Variants in POLR3B observed in about 807,000 individuals in gnomAD.
POLR3B encodes the protein DNA-directed RNA polymerase III subunit RPC2.
A neutral mutation model predicts 147.4 loss-of-function variants in POLR3B; 96 were observed. The ratio of observed to expected loss-of-function variants is 0.65; its 90% confidence interval spans 0.55 to 0.77. The LOEUF (loss-of-function observed/expected upper bound fraction) is 0.77. Ranked by LOEUF, POLR3B falls within the 30% of genes least tolerant of loss-of-function variation. The probability of loss-of-function intolerance (pLI) is 0.00; values close to 1 mark genes in which losing one functional copy is unlikely to be tolerated. For missense variants in POLR3B, 1,036 were observed against 1,413.5 expected (o/e 0.73, Z 4.28); for synonymous variants, 461 against 485.9 (o/e 0.95, Z 0.67).
At chr12:106,374,278 A>T (rs562304788) in intron 6 of POLR3B, among the ~76,000 whole-genome samples, 1 of 152,220 alleles carries the variant, frequency 6.6e-6, no homozygotes, top group Admixed American at 6.5e-5. Context: ...GTGCAATGGT[A>T]CACTCATGGC....
At chr12:106,399,738 G>C (rs1363436172) in intron 10 of POLR3B, among the ~76,000 whole-genome samples, 1 of 152,102 alleles carries the variant, frequency 6.6e-6, no homozygotes, top group Non-Finnish European at 1.5e-5. Context: ...AGCTTCATAA[G>C]TGAAGGAGAA....
intron 19 of POLR3B, among the ~76,000 whole-genome samples, chr12:106,453,106 C>T (rs955196344): frequency 1.3e-5 from 2 of 150,452 alleles, no homozygotes; most frequent in African/African-American, 4.9e-5. Context: ...CTCACTGCAA[C>T]CTCTACTTCC....
At chr12:106,495,912 AC>A in intron 23 of POLR3B, 142 bp from the exon 24 acceptor site, 1 of 758,974 alleles carries the variant, frequency 1.3e-6, no homozygotes. Context: ...GTTGAAAATC[AC>A]TTTTGTTGCT....
chr12:106,431,136 C>T (rs1489019085), intron 14 of POLR3B, among the ~76,000 whole-genome samples: 1 of 152,104 alleles, frequency 6.6e-6, no homozygotes, highest in Non-Finnish European at 1.5e-5. Flanking sequence ...GTACAGGCCC[C>T]ATGAATATAT....
At position 106,405,846 on chromosome 12, in the gene POLR3B, G is replaced by GT. The variant is rs765732419; in HGVS notation, c.847-5dup. The GT allele has an allele frequency of 2.5e-6, 4 of 1,612,380 alleles. 1 individual carries two copies. Among genetic ancestry groups the GT allele is most frequent in the East Asian group, 2.2e-5 (1 of 44,848 alleles). The stretch of plus-strand genomic sequence containing the variant: ...TGTCATTCAAACATTATTGTAATCT[G>GT]TTTTTTATAGGCATTAAAATATATA... On this transcript the variant is annotated splice_polypyrimidine_tract_variant and intron_variant, in intron 10 of 27. Coordinates refer to ENST00000228347, the MANE Select transcript of POLR3B (RefSeq NM_018082.6).
At chr12:106,394,798 C>T (rs1460406698) in intron 10 of POLR3B, among the ~76,000 whole-genome samples, 1 of 152,076 alleles carries the variant, frequency 6.6e-6, no homozygotes, top group African/African-American at 2.4e-5. Context: ...TCCTTTTCCT[C>T]GAAAGGGAAG....
chr12:106,487,818 G>A (rs7956775), intron 23 of POLR3B, among the ~76,000 whole-genome samples: 2,059 of 152,312 alleles, frequency 0.014, 47 homozygotes, highest in African/African-American at 0.047. Context: ...TGATCACAGA[G>A]CTCATGGAGA....
At chr12:106,491,050 A>G (rs2038401622) in intron 23 of POLR3B, among the ~76,000 whole-genome samples, 1 of 152,294 alleles carries the variant, frequency 6.6e-6, no homozygotes, top group Non-Finnish European at 1.5e-5. Flanking sequence ...CCTTCTATTC[A>G]TTAAGTTGGT....
At chr12:106,434,231 A>G (rs1459391930) in intron 16 of POLR3B, among the ~76,000 whole-genome samples, 1 of 152,206 alleles carries the variant, frequency 6.6e-6, no homozygotes, top group East Asian at 1.9e-4. Context: ...TATTCTTGTC[A>G]TTTAAGAAAT....
chr12:106,403,549 T>G (rs2136928987), intron 10 of POLR3B, among the ~76,000 whole-genome samples: 1 of 152,010 alleles, frequency 6.6e-6, no homozygotes, highest in Non-Finnish European at 1.5e-5. Flanking sequence ...AGCAAAGACT[T>G]AGAATCAACC....
In POLR3B at chr12:106,374,507, A is replaced by G. The variant is rs981876718; in HGVS notation, c.405-1852A>G. Among the ~76,000 whole-genome samples the G allele has an allele frequency of 3.4e-5, 5 of 147,250 alleles. 1 individual carries two copies. In the East Asian group the frequency reaches 9.9e-4, roughly 29 times the overall value. On this transcript the variant is annotated intron_variant, in intron 6 of 27. Coordinates refer to ENST00000228347, the MANE Select transcript of POLR3B (RefSeq NM_018082.6). Reference sequence around the variant, plus strand: ...TTGAGAATTGCAGGCATGAGCCACCATTTGTGGCATGTTTTTTTTTTTTTT... The same window carrying G: ...TTGAGAATTGCAGGCATGAGCCACCGTTTGTGGCATGTTTTTTTTTTTTTT...
intron 12 of POLR3B, among the ~76,000 whole-genome samples, chr12:106,419,365 A>C (rs1440098479): frequency 1.3e-5 from 2 of 152,238 alleles, no homozygotes; most frequent in African/African-American, 2.4e-5. Context: ...ACTTTAAAGA[A>C]GGAAAAGCAT....
intron 23 of POLR3B, among the ~76,000 whole-genome samples, chr12:106,474,573 T>TGAA (rs2038137792): frequency 6.8e-6 from 1 of 146,742 alleles, no homozygotes; most frequent in African/African-American, 2.5e-5. Flanking sequence ...GAGATTCAAC[T>TGAA]TCTTCCTGGT....
intron 23 of POLR3B, among the ~76,000 whole-genome samples, chr12:106,475,091 A>C (rs1038744568): frequency 5.4e-5 from 7 of 129,864 alleles, no homozygotes; most frequent in African/African-American, 2.1e-4. Flanking sequence ...GTTTCAAAGA[A>C]CATCTTTATT....
At chr12:106,473,730 G>T (rs2038124673) in intron 23 of POLR3B, among the ~76,000 whole-genome samples, 1 of 104,970 alleles carries the variant, frequency 9.5e-6, no homozygotes, top group African/African-American at 3.8e-5. Context: ...CTGAGACTTT[G>T]CTGAAGTTGC....
In POLR3B at chr12:106,405,861, TA is replaced by T; in HGVS notation, c.855del (p.Lys285AsnfsTer3). The part of the protein sequence containing the change: ...KAQIFTQMQA[L>X]KYIGNKVRRQ... Reference sequence around the variant, plus strand: ...ATTGTAATCTGTTTTTTATAGGCATTAAAATATATAGGGAACAAAGTAAGAA... The same window carrying T: ...ATTGTAATCTGTTTTTTATAGGCATTAAATATATAGGGAACAAAGTAAGAA... On this transcript the variant is annotated frameshift_variant, in exon 11 of 28. Transcript: ENST00000228347. LOFTEE classifies it high-confidence loss of function. The T allele has an allele frequency of 6.2e-7, 1 of 1,613,080 alleles. No individual in the cohort carries two copies. Among genetic ancestry groups the T allele is most frequent in the Non-Finnish European group, 8.5e-7 (1 of 1,179,178 alleles).
chr12:106,388,530 A>C lies in POLR3B; in HGVS notation c.724-4501A>C, dbSNP rs181758441. Among the ~76,000 whole-genome samples, 97 of 152,174 alleles carry C rather than the reference A, an allele frequency of 6.4e-4. 2 individuals are homozygous for C. The highest frequency in any genetic ancestry group is 4.8e-3 in the Admixed American group (73 of 15,274). ...ACGGGGTTTCTCCATGTTGGCCAGGATGGTCTTGATCTCCTGACCTGGTGA... is the reference window on the plus strand; with the variant it reads ...ACGGGGTTTCTCCATGTTGGCCAGGCTGGTCTTGATCTCCTGACCTGGTGA... On this transcript the variant is annotated intron_variant, in intron 9 of 27. Coordinates refer to ENST00000228347, the MANE Select transcript of POLR3B (RefSeq NM_018082.6).
At chr12:106,484,544 C>T (rs1465231966) in intron 23 of POLR3B, among the ~76,000 whole-genome samples, 1 of 151,846 alleles carries the variant, frequency 6.6e-6, no homozygotes, top group African/African-American at 2.4e-5. Flanking sequence ...ATCACTTGAG[C>T]CCAGGAGTTT....
At chr12:106,481,195 T>C (rs994876402) in intron 23 of POLR3B, among the ~76,000 whole-genome samples, 1 of 152,140 alleles carries the variant, frequency 6.6e-6, no homozygotes, top group Non-Finnish European at 1.5e-5. Context: ...GGGAAGCCAC[T>C]GGAGAGGGGT....
Sources: allele counts gnomAD v4.1 joint callset (sites outside exome capture counted in the v4.1 genomes callset), GRCh38; gene constraint gnomAD v4.1.1; transcripts MANE v1.5; gene names NCBI Gene and HGNC (gene_info 2026-07-23, HGNC 2026-07-21).